The following DMD variants were observed in gnomAD, a reference collection of about 807,000 sequenced individuals.
DMD encodes mutant dystrophin.
DMD carries 63 observed loss-of-function variants against 330.1 expected under a neutral mutation model. The observed-to-expected ratio is 0.19, with a 90% CI of 0.16 to 0.24. DMD has a LOEUF of 0.24. Ranked by LOEUF, DMD falls within the 10% of genes least tolerant of loss-of-function variation. The pLI is 1.00. For synonymous variants in DMD, 1,223 were observed against 959.8 expected (o/e 1.27, Z -5.07); for missense variants, 3,344 against 2,684.1 (o/e 1.25, Z -5.43).
chrX:33,222,668 T>G lies in DMD; in HGVS notation c.7+116591A>C, dbSNP rs191441489. Among the ~76,000 whole-genome samples the G allele has an allele frequency of 4.2e-3, 471 of 111,981 alleles. 2 individuals carry two copies. Among genetic ancestry groups the G allele is most frequent in the African/African-American group, 0.014 (435 of 30,839 alleles). On this transcript the variant is annotated intron_variant, in intron 1 of 17. Transcript: ENST00000288447. ...TATCTATAAATAATCTCCTAGAAAT[T>G]ATTGATAAGTGAATTCATCAAGGTA...
chrX:31,907,016 T>C (rs985025887), intron 47 of DMD, among the ~76,000 whole-genome samples: 3 of 112,151 alleles, frequency 2.7e-5, no homozygotes, highest in African/African-American at 6.5e-5. Context: ...CTTTTCAACT[T>C]ATTGTGATAT....
At position 33,235,922 on chromosome X, in the gene DMD, T is replaced by TATTATTA. The variant is rs1569559007; in HGVS notation, c.7+103336_7+103337insTAATAAT. On this transcript the variant is annotated intron_variant, in intron 1 of 17. Transcript: ENST00000288447. ...TATTATTATTATTATTATTATTTTTTTTTTTTTTTATGAGACGGAATCTGG... is the reference window on the plus strand; with the variant it reads ...TATTATTATTATTATTATTATTTTTTATTATTATTTTTTTTTATGAGACGGAATCTGG... 4.9e-3 allele frequency among the ~76,000 whole-genome samples: 513 copies of TATTATTA among 104,875 alleles called. 5 individuals are homozygous for TATTATTA. Among genetic ancestry groups the TATTATTA allele is most frequent in the African/African-American group, 0.017 (486 of 28,472 alleles). The allele number at this position is 104,875 out of a possible 115,157, so 91.1% of individuals were successfully genotyped here.
chrX:31,182,964 T>C (rs1317137502), intron 67 of DMD, 60 bp from the exon 68 acceptor site: 7 of 997,068 alleles, frequency 7.0e-6, no homozygotes, highest in African/African-American at 3.9e-5. Context: ...GAAGGCAAGA[T>C]GGCAAAGGAG....
intron 7 of DMD, among the ~76,000 whole-genome samples, chrX:32,740,496 GAGA>G (rs1158896916): frequency 4.5e-5 from 5 of 110,664 alleles, no homozygotes; most frequent in Non-Finnish European, 9.4e-5. Context: ...AAAGAACAGA[GAGA>G]AGGAGAAGTT....
chrX:32,610,372 T>A (rs144186263), intron 12 of DMD, among the ~76,000 whole-genome samples: 3 of 111,255 alleles, frequency 2.7e-5, no homozygotes, highest in African/African-American at 9.7e-5. Context: ...AACCACCATA[T>A]AGGATCAATT....
chrX:32,554,770 G>T (rs1432650389), intron 16 of DMD, among the ~76,000 whole-genome samples: 2 of 86,712 alleles, frequency 2.3e-5, no homozygotes, highest in Non-Finnish European at 4.5e-5. Flanking sequence ...CTTATATTAT[G>T]AGGTCAGCAT....
chrX:33,288,307 T>C (rs1197978222), intron 1 of DMD, among the ~76,000 whole-genome samples: 1 of 111,574 alleles, frequency 9.0e-6, no homozygotes, highest in Non-Finnish European at 1.9e-5. Flanking sequence ...GGGGAAGCCA[T>C]ATTTCCGAAT....
chrX:33,102,442 C>T (rs1476088159), intron 1 of DMD, among the ~76,000 whole-genome samples: 9 of 110,136 alleles, frequency 8.2e-5, no homozygotes, highest in Middle Eastern at 4.8e-3. Flanking sequence ...ACTGGTTGTA[C>T]AGTTAAAATT....
intron 52 of DMD, among the ~76,000 whole-genome samples, chrX:31,721,124 T>C (rs2085437921): frequency 9.0e-6 from 1 of 111,365 alleles, no homozygotes; most frequent in Non-Finnish European, 1.9e-5. Context: ...TTAACGTATA[T>C]TTCCAGGTAC....
chrX:32,111,872 TC>T (rs1180020449), intron 44 of DMD, among the ~76,000 whole-genome samples: 3 of 111,889 alleles, frequency 2.7e-5, no homozygotes, highest in Non-Finnish European at 5.6e-5. Flanking sequence ...GAAACCCCAG[TC>T]CCGTTTTTGC....
intron 11 of DMD, among the ~76,000 whole-genome samples, chrX:32,628,027 A>G (rs2058467721): frequency 9.1e-6 from 1 of 110,131 alleles, no homozygotes; most frequent in South Asian, 3.8e-4. Flanking sequence ...AGCACTTATC[A>G]TTTCTTTATG....
chrX:32,365,495 G>A (rs2097851319), intron 34 of DMD, among the ~76,000 whole-genome samples: 2 of 110,541 alleles, frequency 1.8e-5, no homozygotes, highest in South Asian at 3.8e-4. Flanking sequence ...ACATGTAGTG[G>A]CTAAAGGCAG....
chrX:32,222,217 G>A (rs1461436951), intron 43 of DMD, among the ~76,000 whole-genome samples: 1 of 111,720 alleles, frequency 9.0e-6, no homozygotes, highest in Non-Finnish European at 1.9e-5. Context: ...GTGTACAAAT[G>A]TTCCGTTTTC....
At position 31,254,959 on chromosome X, in the gene DMD, C is replaced by A. The variant is rs146666017; in HGVS notation, c.9286+5996G>T. Among the ~76,000 whole-genome samples the A allele has an allele frequency of 8.0e-3, 845 of 105,737 alleles. 6 individuals are homozygous for A. The highest frequency in any genetic ancestry group is 0.012 in the Non-Finnish European group (616 of 51,608). The allele number at this position is 105,737 out of a possible 115,157, so 91.8% of individuals were successfully genotyped here. A position where few individuals can be genotyped will look rare whatever the true frequency, so the allele number is the denominator to read the frequency against. On this transcript the variant is annotated intron_variant, in intron 63 of 78. Coordinates refer to ENST00000357033, the MANE Select transcript of DMD (RefSeq NM_004006.3). Reference sequence around the variant, plus strand: ...ACTTGGAAGGCTGAGGTGGGAGGGTCACTTGAGCCTGGGTGTTCAAAGCTG... The same window carrying A: ...ACTTGGAAGGCTGAGGTGGGAGGGTAACTTGAGCCTGGGTGTTCAAAGCTG...
intron 1 of DMD, among the ~76,000 whole-genome samples, chrX:33,244,599 G>T (rs2148892600): frequency 9.0e-6 from 1 of 111,716 alleles, no homozygotes; most frequent in East Asian, 2.8e-4. Flanking sequence ...TCCCCGAAAT[G>T]GTCAATTGTG....
chrX:31,347,424 G>A (rs1251335942), intron 61 of DMD, among the ~76,000 whole-genome samples: 1 of 111,182 alleles, frequency 9.0e-6, no homozygotes, highest in African/African-American at 3.3e-5. Flanking sequence ...CCAGCCACTA[G>A]TATCTATCAT....
At chrX:32,617,390 G>C (rs1282310103) in intron 11 of DMD, among the ~76,000 whole-genome samples, 3 of 111,218 alleles carry the variant, frequency 2.7e-5, no homozygotes, top group Non-Finnish European at 5.7e-5. Flanking sequence ...ACATAATAGA[G>C]AACCCAGGAA....
intron 1 of DMD, among the ~76,000 whole-genome samples, chrX:33,120,878 C>CAAAAAAAAAA (rs1171070469): frequency 2.7e-5 from 1 of 36,691 alleles, no homozygotes; most frequent in Non-Finnish European, 4.2e-5. Context: ...ATGACTCTCT[C>CAAAAAAAAAA]AAAAAAAAAA....
rs927989070 is a variant in DMD, at chrX:32,035,597, GA to G, written c.6439-67084del. The G allele has an allele frequency of 1.0e-5, 3 of 296,470 alleles. No homozygotes were observed. The Admixed American group carries it at 1.2e-4, about 12-fold the overall frequency. 24.4% of individuals were successfully genotyped at this position (296,470 alleles called of 1,213,427 possible). A position where few individuals can be genotyped will look rare whatever the true frequency, so the allele number is the denominator to read the frequency against. On this transcript the variant is annotated intron_variant, in intron 44 of 78. Transcript: ENST00000357033. Reference sequence around the variant, plus strand: ...AATACAGGCTTCTAAAAAACAGAAAGAAATACACCTTCTCCTCTACTAGAGT... The same window carrying G: ...AATACAGGCTTCTAAAAAACAGAAAGAATACACCTTCTCCTCTACTAGAGT...
Sources: allele counts gnomAD v4.1 joint callset (sites outside exome capture counted in the v4.1 genomes callset), GRCh38; gene constraint gnomAD v4.1.1; transcripts MANE v1.5; gene names NCBI Gene and HGNC (gene_info 2026-07-23, HGNC 2026-07-21).